Variants in ATR observed in about 807,000 individuals in gnomAD.
The protein encoded by ATR is ATR checkpoint kinase.
A neutral mutation model predicts 305.3 loss-of-function variants in ATR; 142 were observed. The observed-to-expected ratio is 0.47, with a 90% CI of 0.41 to 0.53. The LOEUF (loss-of-function observed/expected upper bound fraction) is 0.53, where lower values mean the gene tolerates loss of function less well. Among genes scored for constraint, ATR ranks in the 20% least tolerant of loss-of-function variants. The pLI, the probability that ATR is intolerant of heterozygous loss-of-function variation, is 0.00. For missense variants in ATR, 2,135 were observed against 3,133.1 expected, an observed-to-expected ratio of 0.68 and a Z score of 7.60; for synonymous variants, 1,050 against 1,068.1, an observed-to-expected ratio of 0.98 and a Z score of 0.33.
intron 35 of ATR, among the ~76,000 whole-genome samples, chr3:142,491,725 T>C (rs1282727177): frequency 6.6e-6 from 1 of 152,226 alleles, no homozygotes; most frequent in Non-Finnish European, 1.5e-5. Context: ...TGGACTCCTA[T>C]TTATCTTCAT....
intron 42 of ATR, among the ~76,000 whole-genome samples, chr3:142,460,091 C>G (rs1376816960): frequency 6.6e-6 from 1 of 152,122 alleles, no homozygotes; most frequent in Non-Finnish European, 1.5e-5. Flanking sequence ...TCTTTGAACT[C>G]TGACTCAAGT....
At chr3:142,575,091 A>G (rs575978443) in intron 1 of ATR, among the ~76,000 whole-genome samples, 1 of 152,306 alleles carries the variant, frequency 6.6e-6, no homozygotes, top group East Asian at 1.9e-4. Context: ...CCATCACACA[A>G]TAAAATCTCA....
chr3:142,454,437 C>CTTT lies in ATR; in HGVS notation c.7656-1207_7656-1205dup, dbSNP rs760823609. 1.9e-3 allele frequency among the ~76,000 whole-genome samples: 190 copies of CTTT among 101,462 alleles called. 1 individual carries two copies. Among genetic ancestry groups the CTTT allele is most frequent in the East Asian group, 6.3e-3 (21 of 3,350 alleles). 66.6% of individuals were successfully genotyped at this position (101,462 alleles called of 152,430 possible). A position where few individuals can be genotyped will look rare whatever the true frequency, so the allele number is the denominator to read the frequency against. On this transcript the variant is annotated intron_variant, in intron 45 of 46. Transcript: ENST00000350721. ...TTCTACCATAATGTCTGATAGACAG[C>CTTT]TTTTTTTTTTTTTTTTTTTTTTTGA...
intron 13 of ATR, among the ~76,000 whole-genome samples, chr3:142,551,535 C>T (rs1309056413): frequency 6.6e-6 from 1 of 152,148 alleles, no homozygotes; most frequent in Non-Finnish European, 1.5e-5. Flanking sequence ...CTACAACCAT[C>T]CGATCTTTAA....
At chr3:142,476,080 C>A (rs1045840713) in intron 36 of ATR, among the ~76,000 whole-genome samples, 5 of 152,180 alleles carry the variant, frequency 3.3e-5, no homozygotes, top group Non-Finnish European at 7.3e-5. Flanking sequence ...TTTTGCTGTG[C>A]AGAAGCTCTT....
chr3:142,451,973 T>C (rs2070801820), intron 46 of ATR: 1 of 1,095,672 alleles, frequency 9.1e-7, no homozygotes, highest in Admixed American at 4.1e-5. Context: ...AAGGAACATG[T>C]CCCAGAGACC....
chr3:142,530,631 C>T (rs371842461), intron 21 of ATR, among the ~76,000 whole-genome samples: 3 of 151,686 alleles, frequency 2.0e-5, no homozygotes, highest in African/African-American at 4.8e-5. Flanking sequence ...GCTTTTTTTT[C>T]TTTTTCTGGT....
At chr3:142,498,484 T>C in intron 32 of ATR, 113 bp downstream of exon 32, 1 of 917,032 alleles carries the variant, frequency 1.1e-6, no homozygotes, top group South Asian at 1.5e-5. Context: ...AGCTGTCTAG[T>C]GTAGCTATGC....
At chr3:142,514,885 T>C (rs2032792925) in intron 25 of ATR, among the ~76,000 whole-genome samples, 1 of 151,918 alleles carries the variant, frequency 6.6e-6, no homozygotes, top group Non-Finnish European at 1.5e-5. Flanking sequence ...AACATTTTCT[T>C]GGAACACAGA....
chr3:142,514,491 G>A (rs1271789678), intron 25 of ATR, among the ~76,000 whole-genome samples: 7 of 151,454 alleles, frequency 4.6e-5, no homozygotes, highest in Admixed American at 6.6e-5. Context: ...AAAATTAGCC[G>A]GGCGTGGTGG....
chr3:142,504,374 T>C (rs1233760381), intron 29 of ATR, among the ~76,000 whole-genome samples: 1 of 152,210 alleles, frequency 6.6e-6, no homozygotes, highest in Non-Finnish European at 1.5e-5. Flanking sequence ...TTTAGAGTTA[T>C]TAAATGAACA....
chr3:142,578,572 G>A, intron 1 of ATR, 74 bp downstream of exon 1: 1 of 1,501,424 alleles, frequency 6.7e-7, no homozygotes, highest in Non-Finnish European at 9.1e-7. Context: ...CGCAGCAGGG[G>A]AGGGGAGAGC....
intron 46 of ATR, chr3:142,451,090 G>A (rs2070779486): frequency 7.8e-7 from 1 of 1,277,200 alleles, no homozygotes; most frequent in Non-Finnish European, 1.0e-6. Flanking sequence ...TGTCTACCTG[G>A]TCAATTGTGA....
At chr3:142,570,067 G>A (rs1049972131) in intron 1 of ATR, among the ~76,000 whole-genome samples, 2 of 152,110 alleles carry the variant, frequency 1.3e-5, no homozygotes, top group African/African-American at 4.8e-5. Flanking sequence ...TTGTCCATTT[G>A]TATATCTTCT....
At chr3:142,460,189 G>A (rs941023789) in intron 42 of ATR, among the ~76,000 whole-genome samples, 1 of 151,974 alleles carries the variant, frequency 6.6e-6, no homozygotes, top group Non-Finnish European at 1.5e-5. Context: ...TGGATAATCA[G>A]GCGTGTTAAC....
chr3:142,561,158 C>T, intron 5 of ATR, 85 bp downstream of exon 5: 1 of 1,437,364 alleles, frequency 7.0e-7, no homozygotes, highest in Non-Finnish European at 9.7e-7. Flanking sequence ...GTATTTAAAT[C>T]AAAGCACTTA....
At chr3:142,478,248 C>T (rs941338149) in intron 36 of ATR, among the ~76,000 whole-genome samples, 2 of 152,152 alleles carry the variant, frequency 1.3e-5, no homozygotes, top group African/African-American at 2.4e-5. Context: ...TTTCCCTCTA[C>T]ACACTGCTTT....
intron 45 of ATR, among the ~76,000 whole-genome samples, chr3:142,453,868 C>T (rs897781655): frequency 2.0e-5 from 3 of 152,188 alleles, no homozygotes; most frequent in East Asian, 1.9e-4. Context: ...TCCGTCTCTA[C>T]GGCCGTGACA....
chr3:142,546,197 T>C (rs932572166), intron 16 of ATR, among the ~76,000 whole-genome samples: 13 of 152,150 alleles, frequency 8.5e-5, no homozygotes, highest in Non-Finnish European at 1.8e-4. Flanking sequence ...TGTTTTGAGG[T>C]AGTTCTGGCA....
Sources: allele counts gnomAD v4.1 joint callset (sites outside exome capture counted in the v4.1 genomes callset), GRCh38; gene constraint gnomAD v4.1.1; transcripts MANE v1.5; gene names NCBI Gene and HGNC (gene_info 2026-07-23, HGNC 2026-07-21).